The following FBXO9 variants were observed in gnomAD, a reference collection of about 807,000 sequenced individuals.
FBXO9 encodes F-box protein 9, also known as F-box only protein 9.
In FBXO9, 43 loss-of-function variants were observed where a neutral mutation model predicts 63.7. The ratio of observed to expected loss-of-function variants is 0.67; its 90% CI spans 0.53 to 0.87. The LOEUF is 0.87. FBXO9 is among the 40% of genes least tolerant of loss of function. FBXO9 has a pLI of 0.00. For missense variants in FBXO9, 442 were observed against 533.2 expected (o/e 0.83, Z 1.68); for synonymous variants, 156 against 171.7 (o/e 0.91, Z 0.72).
At chr6:53,087,342 A>C (rs991560313) in intron 7 of FBXO9, among the ~76,000 whole-genome samples, 1 of 120,778 alleles carries the variant, frequency 8.3e-6, no homozygotes, top group Non-Finnish European at 1.6e-5. Flanking sequence ...ATCCTATCTC[A>C]AAAAAAAAAA....
intron 1 of FBXO9, among the ~76,000 whole-genome samples, chr6:53,067,667 G>A (rs1008151070): frequency 1.1e-4 from 17 of 152,104 alleles, no homozygotes; most frequent in Non-Finnish European, 1.8e-4. Context: ...CGCATTACCT[G>A]TACTTAGAGT....
rs1007271158 is a variant in FBXO9 at position 53,099,544 on chromosome 6, C to G, written c.*1714C>G. 6.6e-6 allele frequency: 1 copy of G among 151,874 alleles called. No individual in the cohort carries two copies. The highest frequency in any genetic ancestry group is 2.4e-5 in the African/African-American group (1 of 41,228). The allele number at this position is 151,874 out of a possible 1,614,324, so 9.4% of individuals were successfully genotyped here. On this transcript the variant is annotated 3_prime_UTR_variant, in exon 13 of 13. Coordinates refer to ENST00000323557, the MANE Select transcript of FBXO9 (RefSeq NM_033480.3). Reference sequence around the variant, plus strand: ...TTGCTTGAGGTCAGGAGTTTTAGACCAGCCTGGACAACATAGCAAGACCTC... The same window carrying G: ...TTGCTTGAGGTCAGGAGTTTTAGACGAGCCTGGACAACATAGCAAGACCTC...
intron 7 of FBXO9, among the ~76,000 whole-genome samples, chr6:53,088,922 CTTTG>C (rs1216098898): frequency 2.1e-5 from 3 of 146,052 alleles, no homozygotes; most frequent in Non-Finnish European, 4.5e-5. Flanking sequence ...TTCTTTCTTT[CTTTG>C]TTTTTTTTTT....
At chr6:53,075,958 A>G (rs1769093852) in intron 3 of FBXO9, among the ~76,000 whole-genome samples, 1 of 151,184 alleles carries the variant, frequency 6.6e-6, no homozygotes, top group Non-Finnish European at 1.5e-5. Context: ...TGGCCAGGCC[A>G]GTGTCGAACT....
At chr6:53,096,839 A>C (rs1763226438) in intron 12 of FBXO9, among the ~76,000 whole-genome samples, 1 of 152,150 alleles carries the variant, frequency 6.6e-6, no homozygotes, top group Admixed American at 6.6e-5. Context: ...CCAGGAGTTC[A>C]AGGCTGCGGT....
intron 11 of FBXO9, chr6:53,094,843 T>C: frequency 2.6e-6 from 1 of 377,370 alleles, no homozygotes; most frequent in South Asian, 1.9e-5. Flanking sequence ...TTTCCTGAGG[T>C]CAAAATTGGG....
At chr6:53,077,455 A>G (rs1461338837) in intron 4 of FBXO9, among the ~76,000 whole-genome samples, 2 of 135,658 alleles carry the variant, frequency 1.5e-5, no homozygotes, top group Non-Finnish European at 3.1e-5. Flanking sequence ...CCTGGGCGAC[A>G]GAGCGAGACT....
intron 5 of FBXO9, among the ~76,000 whole-genome samples, chr6:53,080,237 T>C (rs1581817008): frequency 6.6e-6 from 1 of 152,118 alleles, no homozygotes; most frequent in Middle Eastern, 3.4e-3. Flanking sequence ...AGAATAGCCA[T>C]TGAGTCCATC....
In FBXO9 at chr6:53,076,532, C is replaced by A. The variant is rs767285307; in HGVS notation, c.296C>A (p.Ala99Asp). 2 of 1,548,836 alleles carry A rather than the reference C, an allele frequency of 1.3e-6. No homozygotes were observed. Among genetic ancestry groups the A allele is most frequent in the East Asian group, 2.4e-5 (1 of 41,578 alleles). ...GCAGTAGAAGAAGAACAAAATGGAG[C>A]TCTCTATGAAGGTAAAAATTCAGAG... ...LKAVEEEQNG[A>D]LYEAIKFYRR... Residue 99 changes from alanine (A) to aspartate (D), a missense_variant, in exon 4 of 13, where the codon GCT (alanine) becomes GAT (aspartate). Around this residue, in one of 2 missense-constraint regions of FBXO9, gnomAD observed 180 missense variants for 171.1 expected, o/e 1.05. Transcript: ENST00000323557.
chr6:53,071,941 T>G (rs1272444407), intron 2 of FBXO9, among the ~76,000 whole-genome samples: 1 of 152,238 alleles, frequency 6.6e-6, no homozygotes, highest in Non-Finnish European at 1.5e-5. Flanking sequence ...TAAGTAATGA[T>G]GCATCCATAC....
At position 53,082,586 on chromosome 6, in the gene FBXO9, G is replaced by A. The variant is rs372141001; in HGVS notation, c.621G>A (p.Ser207=). 4.1e-5 allele frequency: 66 copies of A among 1,613,574 alleles called. No individual in the cohort carries two copies. Among genetic ancestry groups the A allele is most frequent in the Non-Finnish European group, 3.7e-5 (44 of 1,179,710 alleles). The change falls in exon 7 of 13, where the codon TCG becomes TCA. Residue 207 remains serine, a synonymous_variant. Coordinates refer to ENST00000323557, the MANE Select transcript of FBXO9 (RefSeq NM_033480.3). ...ACCTCAGATCATTGGAGCAGTTGTC[G>A]CTGGTGTGCAGAGGATTCTACATCT... The part of the protein sequence containing the change: ...DLDLRSLEQL[S]LVCRGFYICA...
At chr6:53,089,219 C>T (rs1366432890) in intron 7 of FBXO9, among the ~76,000 whole-genome samples, 1 of 152,032 alleles carries the variant, frequency 6.6e-6, no homozygotes, top group Non-Finnish European at 1.5e-5. Context: ...GGACTACAGG[C>T]GCCCGCCACC....
rs928891637 is a variant in FBXO9 at position 53,093,869 on chromosome 6, G to A, written c.960-16G>A. 7.6e-7 allele frequency: 1 copy of A among 1,317,342 alleles called. No individual in the cohort carries two copies. Among genetic ancestry groups the A allele is most frequent in the East Asian group, 2.7e-5 (1 of 37,218 alleles). The allele number at this position is 1,317,342 out of a possible 1,614,324, so 81.6% of individuals were successfully genotyped here. The stretch of plus-strand genomic sequence containing the variant: ...TTAATAACTGATTTAGATTCAATTT[G>A]TTTTTTTTTTTTAAGGACTGATGCA... On this transcript the variant is annotated splice_polypyrimidine_tract_variant and intron_variant, in intron 10 of 12. Transcript: ENST00000323557.
chr6:53,078,922 GT>G, intron 5 of FBXO9, 24 bp downstream of exon 5: 1 of 1,539,970 alleles, frequency 6.5e-7, no homozygotes, highest in Admixed American at 1.7e-5. Flanking sequence ...TTGATAGATA[GT>G]AATGCATAGA....
At chr6:53,095,442 T>C in intron 11 of FBXO9, 71 bp from the exon 12 acceptor site, 1 of 1,376,058 alleles carries the variant, frequency 7.3e-7, no homozygotes, top group Non-Finnish European at 9.8e-7. Flanking sequence ...GTGTCACTGT[T>C]GCATACTATT....
chr6:53,091,220 C>G (rs1763031165), intron 7 of FBXO9: 1 of 152,130 alleles, frequency 6.6e-6, no homozygotes. Context: ...TGTGAATAGT[C>G]TCTGCACTCC....
chr6:53,092,701 A>C, intron 8 of FBXO9, 33 bp from the exon 9 acceptor site: 1 of 1,514,500 alleles, frequency 6.6e-7, no homozygotes, highest in Non-Finnish European at 9.1e-7. Context: ...TCTGAATATT[A>C]TAATTTTTAA....
At chr6:53,088,788 C>T (rs146614840) in intron 7 of FBXO9, among the ~76,000 whole-genome samples, 3,456 of 152,090 alleles carry the variant, frequency 0.023, 106 homozygotes, top group African/African-American at 0.07. Context: ...CTAGTAGAGA[C>T]GGGGTTTCAC....
intron 7 of FBXO9, among the ~76,000 whole-genome samples, chr6:53,082,945 A>T (rs1769361953): frequency 1.3e-5 from 2 of 152,140 alleles, no homozygotes; most frequent in African/African-American, 2.4e-5. Flanking sequence ...CTAACTGTAA[A>T]CTCATTGTGG....
Sources: gnomAD v4.1 joint callset for allele counts (sites outside exome capture counted in the v4.1 genomes callset) on GRCh38, gnomAD v4.1.1 for gene constraint, gnomAD v4.1.1 regional missense constraint, MANE v1.5 for transcripts, NCBI Gene and HGNC (gene_info 2026-07-23, HGNC 2026-07-21) for gene names.